Variants in NKAIN3 observed in about 807,000 individuals in gnomAD.
NKAIN3 encodes the protein sodium/potassium-transporting ATPase subunit beta-1-interacting protein 3.
NKAIN3 carries 25 observed loss-of-function variants against 30.2 expected under a neutral mutation model. That is an observed-to-expected ratio of 0.83 (90% confidence interval 0.60 to 1.16). The LOEUF (loss-of-function observed/expected upper bound fraction) is 1.16, where lower values mean the gene tolerates loss of function less well. NKAIN3 is among the 50% of genes most tolerant of loss of function. The probability of loss-of-function intolerance (pLI) is 0.00; values close to 1 mark genes in which losing one functional copy is unlikely to be tolerated. For synonymous variants in NKAIN3, 91 were observed against 89.6 expected, an observed-to-expected ratio of 1.02 and a Z score of -0.09; for missense variants, 225 against 254.1, an observed-to-expected ratio of 0.89 and a Z score of 0.78.
At chr8:62,337,836 G>A (rs1234697695) in intron 1 of NKAIN3, among the ~76,000 whole-genome samples, 1 of 151,912 alleles carries the variant, frequency 6.6e-6, no homozygotes, top group East Asian at 1.9e-4. Flanking sequence ...TTTCACAACT[G>A]CAGTTTATTT....
intron 1 of NKAIN3, among the ~76,000 whole-genome samples, chr8:62,551,101 T>C (rs1227105332): frequency 2.6e-5 from 4 of 152,150 alleles, no homozygotes; most frequent in Non-Finnish European, 4.4e-5. Context: ...CTTATACAAG[T>C]CACAGAGTGA....
Position 62,965,753 on chromosome 8 carries a change from G to A in NKAIN3, c.*346G>A, listed in dbSNP as rs1000901894. ...AATTCTAAGAGAAATCTCAGTGTGT[G>A]CTGTGGAGATGTTAAGTCAGCACTG... On this transcript the variant is annotated 3_prime_UTR_variant, in exon 7 of 7. Transcript: ENST00000623646. The A allele has an allele frequency of 2.0e-6, 2 of 985,036 alleles. No individual in the cohort carries two copies. Among genetic ancestry groups the A allele is most frequent in the Non-Finnish European group, 2.4e-6 (2 of 829,712 alleles). 61.0% of individuals were successfully genotyped at this position (985,036 alleles called of 1,614,324 possible). A position where few individuals can be genotyped will look rare whatever the true frequency, so the allele number is the denominator to read the frequency against.
chr8:62,638,340 A>C (rs1812199277), intron 3 of NKAIN3, among the ~76,000 whole-genome samples: 2 of 152,272 alleles, frequency 1.3e-5, no homozygotes, highest in South Asian at 4.1e-4. Flanking sequence ...GGGTTTCCTA[A>C]TCTGAGAAGT....
intron 1 of NKAIN3, among the ~76,000 whole-genome samples, chr8:62,364,383 T>C (rs1388474501): frequency 3.6e-5 from 1 of 27,548 alleles, no homozygotes; most frequent in Admixed American, 5.7e-4. Context: ...TATGTAATTA[T>C]GAAATCTGAT....
intron 3 of NKAIN3, among the ~76,000 whole-genome samples, chr8:62,696,040 C>G (rs1213006589): frequency 6.6e-6 from 1 of 151,996 alleles, no homozygotes; most frequent in African/African-American, 2.4e-5. Flanking sequence ...AATAAATATA[C>G]AAGTTTTTAT....
At chr8:62,280,995 A>T (rs1813160586) in intron 1 of NKAIN3, among the ~76,000 whole-genome samples, 1 of 152,106 alleles carries the variant, frequency 6.6e-6, no homozygotes, top group Non-Finnish European at 1.5e-5. Flanking sequence ...CTGTGAATCC[A>T]TCTGGTCCTG....
intron 4 of NKAIN3, among the ~76,000 whole-genome samples, chr8:62,877,585 C>A (rs1008343786): frequency 6.6e-6 from 1 of 152,196 alleles, no homozygotes; most frequent in Non-Finnish European, 1.5e-5. Context: ...GAGCCAGACA[C>A]CTCATTTCCT....
chr8:62,362,402 C>T (rs1284277711), intron 1 of NKAIN3, among the ~76,000 whole-genome samples: 6 of 152,078 alleles, frequency 3.9e-5, no homozygotes, highest in African/African-American at 1.4e-4. Context: ...GGAGAATGAA[C>T]ATAAAACCAG....
chr8:62,885,509 T>C (rs536735866), intron 4 of NKAIN3, among the ~76,000 whole-genome samples: 39 of 152,328 alleles, frequency 2.6e-4, no homozygotes, highest in African/African-American at 9.4e-4. Flanking sequence ...CTGTTGATGG[T>C]TGTGTTGAGT....
chr8:62,776,754 T>TATATACAAC (rs1236424774), intron 4 of NKAIN3, among the ~76,000 whole-genome samples: 1 of 152,174 alleles, frequency 6.6e-6, no homozygotes, highest in African/African-American at 2.4e-5. Context: ...ATGATTATGG[T>TATATACAAC]ATTATAATGT....
At chr8:62,579,289 A>C (rs1810216972) in intron 1 of NKAIN3, among the ~76,000 whole-genome samples, 1 of 152,068 alleles carries the variant, frequency 6.6e-6, no homozygotes, top group South Asian at 2.1e-4. Context: ...TAAGAGGTGT[A>C]CCTCTCACTC....
At chr8:62,414,457 A>G (rs1287125348) in intron 1 of NKAIN3, among the ~76,000 whole-genome samples, 1 of 152,188 alleles carries the variant, frequency 6.6e-6, no homozygotes, top group Non-Finnish European at 1.5e-5. Context: ...TTAGTGTATA[A>G]TCACCTCTTA....
At chr8:62,864,004 T>C in intron 4 of NKAIN3, 1 of 737,342 alleles carries the variant, frequency 1.4e-6, no homozygotes, top group South Asian at 1.5e-5. Context: ...CTGTTGAGGC[T>C]CCAGCTTTGT....
In NKAIN3 at chr8:62,516,082, G is replaced by C. The variant is rs916134506; in HGVS notation, c.55-63457G>C. Among the ~76,000 whole-genome samples the C allele has an allele frequency of 5.9e-5, 9 of 152,066 alleles. 1 individual carries two copies. The South Asian group carries it at 1.7e-3, about 28-fold the overall frequency. On this transcript the variant is annotated intron_variant, in intron 1 of 6. Transcript: ENST00000623646. Reference sequence around the variant, plus strand: ...AAGGAAGTAAAGTACACTTGGAAGAGAGCCAAGCTGGCAACTTAGGAGATT... The same window carrying C: ...AAGGAAGTAAAGTACACTTGGAAGACAGCCAAGCTGGCAACTTAGGAGATT...
chr8:62,506,525 A>C (rs1336207367), intron 1 of NKAIN3, among the ~76,000 whole-genome samples: 1 of 124,406 alleles, frequency 8.0e-6, no homozygotes, highest in East Asian at 2.3e-4. Flanking sequence ...CCCAGGCTGG[A>C]GTGCAGTGGT....
intron 5 of NKAIN3, among the ~76,000 whole-genome samples, chr8:62,998,982 G>A (rs776955962): frequency 3.0e-4 from 45 of 152,194 alleles, no homozygotes; most frequent in Admixed American, 1.5e-3. Flanking sequence ...ATTTTGAGCA[G>A]TTTTTCATGA....
chr8:62,430,408 G>GTGTGTGT (rs1804959126), intron 1 of NKAIN3, among the ~76,000 whole-genome samples: 2 of 105,332 alleles, frequency 1.9e-5, no homozygotes, highest in African/African-American at 6.3e-5. Context: ...TGTGTGTGTG[G>GTGTGTGT]ATGGGTGTGT....
At chr8:62,389,176 CAT>C (rs942795550) in intron 1 of NKAIN3, among the ~76,000 whole-genome samples, 5 of 152,164 alleles carry the variant, frequency 3.3e-5, no homozygotes, top group South Asian at 2.1e-4. Context: ...AATGTCATAA[CAT>C]GTACTTTATC....
At chr8:62,828,442 G>T (rs955735623) in intron 4 of NKAIN3, among the ~76,000 whole-genome samples, 3 of 151,856 alleles carry the variant, frequency 2.0e-5, no homozygotes, top group Non-Finnish European at 4.4e-5. Flanking sequence ...AAAAATAATC[G>T]AATTTAAATG....
Sources: gnomAD v4.1 joint callset for allele counts (sites outside exome capture counted in the v4.1 genomes callset) on GRCh38, gnomAD v4.1.1 for gene constraint, MANE v1.5 for transcripts, NCBI Gene and HGNC (gene_info 2026-07-23, HGNC 2026-07-21) for gene names.